Variants in ANGPT1 observed in about 807,000 individuals in gnomAD.
The protein encoded by ANGPT1 is angiopoietin-1.
In ANGPT1, 17 loss-of-function variants were observed where a neutral mutation model predicts 62.2. The observed-to-expected ratio is 0.27, with a 90% CI of 0.19 to 0.41. The LOEUF is 0.41. ANGPT1 is among the 10% of genes least tolerant of loss of function. ANGPT1 has a pLI of 1.00. For synonymous variants in ANGPT1, 199 were observed against 198.9 expected (o/e 1.00, Z 0.00); for missense variants, 478 against 594.9 (o/e 0.80, Z 2.04).
intron 1 of ANGPT1, among the ~76,000 whole-genome samples, chr8:107,415,928 G>T (rs988818854): frequency 6.6e-6 from 1 of 152,012 alleles, no homozygotes; most frequent in African/African-American, 2.4e-5. Context: ...GCAGACAGAT[G>T]GTTCGTTGCC....
At chr8:107,492,033 TTCTGGG>T (rs1377256658) in intron 1 of ANGPT1, among the ~76,000 whole-genome samples, 1 of 151,704 alleles carries the variant, frequency 6.6e-6, no homozygotes, top group East Asian at 2.0e-4. Context: ...ACTGCCTAAC[TTCTGGG>T]TCTGAAAGGG....
chr8:107,324,754 A>G (rs1815246393), intron 3 of ANGPT1, among the ~76,000 whole-genome samples: 1 of 152,162 alleles, frequency 6.6e-6, no homozygotes, highest in Non-Finnish European at 1.5e-5. Context: ...CTAATTTATA[A>G]TACCTTTAGT....
chr8:107,258,310 C>CT (rs1813417042), intron 8 of ANGPT1, among the ~76,000 whole-genome samples: 1 of 152,120 alleles, frequency 6.6e-6, no homozygotes, highest in Non-Finnish European at 1.5e-5. Flanking sequence ...AATTATCTAA[C>CT]TTTTCTGTAT....
intron 5 of ANGPT1, among the ~76,000 whole-genome samples, chr8:107,301,824 C>T (rs1814596102): frequency 6.6e-6 from 1 of 151,894 alleles, no homozygotes; most frequent in African/African-American, 2.4e-5. Context: ...CTAACATAAA[C>T]AACTATTCAT....
intron 2 of ANGPT1, among the ~76,000 whole-genome samples, chr8:107,338,087 C>A (rs1460580160): frequency 6.6e-6 from 1 of 151,928 alleles, no homozygotes. Context: ...CAGAGTGAGA[C>A]CCTATCTCAA....
intron 1 of ANGPT1, among the ~76,000 whole-genome samples, chr8:107,444,808 T>C: frequency 6.6e-6 from 1 of 152,050 alleles, no homozygotes; most frequent in East Asian, 1.9e-4. Flanking sequence ...AGCTATTAAT[T>C]TTTCATGGGA....
intron 4 of ANGPT1, among the ~76,000 whole-genome samples, chr8:107,311,113 C>T (rs2130012743): frequency 6.6e-6 from 1 of 151,550 alleles, no homozygotes; most frequent in South Asian, 2.1e-4. Flanking sequence ...TGTCTGTGTT[C>T]ATCTTCTAGT....
At chr8:107,430,283 T>C (rs1811147201) in intron 1 of ANGPT1, among the ~76,000 whole-genome samples, 1 of 152,218 alleles carries the variant, frequency 6.6e-6, no homozygotes, top group African/African-American at 2.4e-5. Context: ...TGGTCTTTAC[T>C]GATGTTTTAA....
At chr8:107,459,310 G>A (rs1356849612) in intron 1 of ANGPT1, among the ~76,000 whole-genome samples, 1 of 152,118 alleles carries the variant, frequency 6.6e-6, no homozygotes, top group Non-Finnish European at 1.5e-5. Context: ...AGTACTTTGG[G>A]AGACCCAGGC....
chr8:107,270,686 G>C (rs1026009183), intron 7 of ANGPT1, among the ~76,000 whole-genome samples: 1 of 152,018 alleles, frequency 6.6e-6, no homozygotes, highest in African/African-American at 2.4e-5. Flanking sequence ...TACATGAACA[G>C]AATTCTTTAC....
intron 7 of ANGPT1, 128 bp from the exon 8 acceptor site, chr8:107,264,479 A>T: frequency 8.7e-7 from 1 of 1,150,192 alleles, no homozygotes; most frequent in East Asian, 2.6e-5. Flanking sequence ...CCTTCCAACA[A>T]ACCTCTAGGA....
At chr8:107,424,969 G>A (rs1586311178) in intron 1 of ANGPT1, among the ~76,000 whole-genome samples, 1 of 152,094 alleles carries the variant, frequency 6.6e-6, no homozygotes, top group Non-Finnish European at 1.5e-5. Flanking sequence ...TCGCCTCCCG[G>A]GTTCAAGTGA....
At chr8:107,392,508 C>T (rs914254426) in intron 1 of ANGPT1, among the ~76,000 whole-genome samples, 4 of 151,986 alleles carry the variant, frequency 2.6e-5, no homozygotes, top group African/African-American at 9.7e-5. Context: ...GATGTTCTTG[C>T]CATTTGATTA....
chr8:107,365,596 G>C (rs1816255458), intron 1 of ANGPT1, among the ~76,000 whole-genome samples: 1 of 152,160 alleles, frequency 6.6e-6, no homozygotes, highest in Middle Eastern at 3.4e-3. Context: ...AACATGGAAA[G>C]GTCATGATTC....
intron 7 of ANGPT1, among the ~76,000 whole-genome samples, chr8:107,267,740 G>A (rs962374872): frequency 6.6e-6 from 1 of 152,020 alleles, no homozygotes; most frequent in African/African-American, 2.4e-5. Flanking sequence ...GATTTGCAAG[G>A]CCTTTGAAGT....
intron 1 of ANGPT1, among the ~76,000 whole-genome samples, chr8:107,483,818 G>A (rs1283912703): frequency 6.6e-6 from 1 of 152,072 alleles, no homozygotes; most frequent in Non-Finnish European, 1.5e-5. Context: ...ATCTTTATTT[G>A]TATGCTCATA....
In ANGPT1 at chr8:107,346,952, A is replaced by G; in HGVS notation, c.443T>C (p.Val148Ala). The G allele has an allele frequency of 6.2e-7, 1 of 1,611,812 alleles. No homozygotes were observed. The highest frequency in any genetic ancestry group is 8.5e-7 in the Non-Finnish European group (1 of 1,178,880). Residue 148 changes from valine (V) to alanine (A), a missense_variant, in exon 2 of 9, where the codon GTT becomes GCT. By Grantham distance (64) the Val-to-Ala change is moderately conservative. Transcript: ENST00000517746. ...GGCCCTGGGGTGTACCTGGGTCTCA[A>G]CATCTGTCAGCTTTCTGGTCTGCTC... is the stretch of plus-strand genomic sequence containing the variant. ...TAEQTRKLTD[V>A]ETQVLNQTSR...
intron 7 of ANGPT1, among the ~76,000 whole-genome samples, chr8:107,277,260 G>T (rs769155085): frequency 1.2e-4 from 18 of 151,944 alleles, no homozygotes; most frequent in Non-Finnish European, 2.6e-4. Flanking sequence ...CTGTTCCCAA[G>T]ATCTGAAAAT....
intron 3 of ANGPT1, 59 bp from the exon 4 acceptor site, chr8:107,322,187 A>G (rs1815170375): frequency 8.1e-7 from 1 of 1,229,388 alleles, no homozygotes; most frequent in Non-Finnish European, 1.1e-6. Flanking sequence ...AAAAACCCTT[A>G]TAATTCAATT....
Sources: allele counts gnomAD v4.1 joint callset (sites outside exome capture counted in the v4.1 genomes callset), GRCh38; gene constraint gnomAD v4.1.1; transcripts MANE v1.5; gene names NCBI Gene and HGNC (gene_info 2026-07-23, HGNC 2026-07-21).